USP12: variants seen among roughly 807,000 people sequenced by gnomAD.
USP12 encodes the protein ubiquitin carboxyl-terminal hydrolase 12.
In USP12, 19 loss-of-function variants were observed where a neutral mutation model predicts 45.5. That is an observed-to-expected ratio of 0.42 (90% confidence interval 0.29 to 0.61). The LOEUF (loss-of-function observed/expected upper bound fraction) is 0.61. Ranked by LOEUF, USP12 falls within the 20% of genes least tolerant of loss-of-function variation. USP12 has a pLI of 0.22. For missense variants in USP12, 242 were observed against 447.7 expected (o/e 0.54, Z 4.15); for synonymous variants, 149 against 148.8 (o/e 1.00, Z -0.01).
intron 2 of USP12, among the ~76,000 whole-genome samples, chr13:27,107,580 G>A (rs928063089): frequency 6.6e-6 from 1 of 152,140 alleles, no homozygotes; most frequent in South Asian, 2.1e-4. Context: ...TTGTGTGTAC[G>A]TGTTTTCAAA....
At chr13:27,122,340 T>C (rs1876031566) in intron 1 of USP12, among the ~76,000 whole-genome samples, 1 of 152,224 alleles carries the variant, frequency 6.6e-6, no homozygotes, top group Non-Finnish European at 1.5e-5. Flanking sequence ...GCCACCGCCC[T>C]GTAAGAAGTG....
intron 1 of USP12, among the ~76,000 whole-genome samples, chr13:27,136,734 A>T (rs762308923): frequency 2.6e-4 from 39 of 152,352 alleles, no homozygotes; most frequent in Non-Finnish European, 4.4e-4. Context: ...TATATGCATT[A>T]TATGGTCCAT....
intron 2 of USP12, among the ~76,000 whole-genome samples, chr13:27,110,776 A>G (rs1875401391): frequency 6.6e-6 from 1 of 152,202 alleles, no homozygotes; most frequent in Non-Finnish European, 1.5e-5. Context: ...TTAAAATTGT[A>G]TTTGTACTAC....
intron 7 of USP12, among the ~76,000 whole-genome samples, chr13:27,072,718 T>C (rs1420420509): frequency 6.6e-6 from 1 of 151,974 alleles, no homozygotes; most frequent in East Asian, 1.9e-4. Flanking sequence ...GGATGGGAAA[T>C]CACGAAATGG....
At chr13:27,144,163 C>T (rs1455345325) in intron 1 of USP12, among the ~76,000 whole-genome samples, 1 of 151,946 alleles carries the variant, frequency 6.6e-6, no homozygotes, top group Non-Finnish European at 1.5e-5. Flanking sequence ...TGCACCACTG[C>T]ACTCCAGCCT....
Position 27,123,131 on chromosome 13 carries a change from G to A in USP12, c.49-6535C>T, listed in dbSNP as rs1326367044. 4.6e-5 allele frequency among the ~76,000 whole-genome samples: 7 copies of A among 151,924 alleles called. No individual in the cohort carries two copies. In the South Asian group the frequency reaches 1.5e-3, roughly 32 times the overall value. ...ATATTTTACAGAGAAGATTTCATGGGAGAATGGATTCATTACAGAACTGCT... is the reference window on the plus strand; with the variant it reads ...ATATTTTACAGAGAAGATTTCATGGAAGAATGGATTCATTACAGAACTGCT... On this transcript the variant is annotated intron_variant, in intron 1 of 8. Coordinates refer to ENST00000282344, the MANE Select transcript of USP12 (RefSeq NM_182488.4).
intron 6 of USP12, among the ~76,000 whole-genome samples, chr13:27,081,441 C>A (rs1873753411): frequency 6.6e-6 from 1 of 152,196 alleles, no homozygotes; most frequent in Non-Finnish European, 1.5e-5. Context: ...TCGTCAGGAT[C>A]CTCTTCTAAT....
At chr13:27,071,483 G>A (rs1436833195) in intron 7 of USP12, among the ~76,000 whole-genome samples, 1 of 152,042 alleles carries the variant, frequency 6.6e-6, no homozygotes, top group Admixed American at 6.6e-5. Context: ...TTTTATAAGG[G>A]AGGGGATCAC....
intron 3 of USP12, among the ~76,000 whole-genome samples, chr13:27,102,588 T>C (rs1435905432): frequency 2.0e-5 from 3 of 152,214 alleles, no homozygotes; most frequent in Admixed American, 1.3e-4. Context: ...TGCACTTTCT[T>C]CCTACTGATG....
intron 1 of USP12, among the ~76,000 whole-genome samples, chr13:27,167,269 A>AT (rs1566010384): frequency 6.1e-5 from 9 of 147,266 alleles, no homozygotes; most frequent in East Asian, 2.0e-4. Context: ...TCTCAAAAAA[A>AT]AAATAAAATA....
At chr13:27,143,584 T>C (rs1048265429) in intron 1 of USP12, among the ~76,000 whole-genome samples, 5 of 152,186 alleles carry the variant, frequency 3.3e-5, no homozygotes, top group Non-Finnish European at 7.3e-5. Context: ...TCAGATTACA[T>C]GGTAATCTGC....
rs1224307569 is a variant in USP12 at position 27,066,896 on chromosome 13, C to T, written c.*2387G>A. ...CCTGTATTTTTCCCCCAACCCTGAC[C>T]CTATACGTTTTAAAAGTACATTTAG... On this transcript the variant is annotated 3_prime_UTR_variant, in exon 9 of 9. Coordinates refer to ENST00000282344, the MANE Select transcript of USP12 (RefSeq NM_182488.4). 6.6e-6 allele frequency: 1 copy of T among 152,078 alleles called. No homozygotes were observed. The highest frequency in any genetic ancestry group is 1.5e-5 in the Non-Finnish European group (1 of 68,024). 9.4% of individuals were successfully genotyped at this position (152,078 alleles called of 1,614,324 possible).
At chr13:27,162,023 G>A (rs1186365689) in intron 1 of USP12, among the ~76,000 whole-genome samples, 1 of 152,082 alleles carries the variant, frequency 6.6e-6, no homozygotes, top group African/African-American at 2.4e-5. Context: ...AAATGACTAC[G>A]CTTTGTCAAA....
chr13:27,134,223 T>C (rs574509627), intron 1 of USP12, among the ~76,000 whole-genome samples: 1 of 152,348 alleles, frequency 6.6e-6, no homozygotes, highest in South Asian at 2.1e-4. Flanking sequence ...AGAAGCTCTC[T>C]CTATAGGGTT....
intron 1 of USP12, chr13:27,170,080 AG>A (rs1269647663): frequency 2.7e-5 from 10 of 376,102 alleles, no homozygotes; most frequent in Non-Finnish European, 4.2e-5. Flanking sequence ...AAAAATAATT[AG>A]CCCAAACAAT....
chr13:27,092,364 T>C (rs1020013798), intron 4 of USP12, among the ~76,000 whole-genome samples: 1 of 152,202 alleles, frequency 6.6e-6, no homozygotes, highest in Non-Finnish European at 1.5e-5. Context: ...ATCGACGAAC[T>C]TGATTCTAAA....
At chr13:27,149,863 G>T (rs949618691) in intron 1 of USP12, among the ~76,000 whole-genome samples, 1 of 152,162 alleles carries the variant, frequency 6.6e-6, no homozygotes, top group Non-Finnish European at 1.5e-5. Context: ...TCGCATGCGC[G>T]GTTCATAACA....
chr13:27,071,821 CT>C (rs1311280211), intron 7 of USP12, among the ~76,000 whole-genome samples: 1 of 152,082 alleles, frequency 6.6e-6, no homozygotes, highest in African/African-American at 2.4e-5. Context: ...AGCATAATTC[CT>C]TTTCTTTATA....
At position 27,069,118 on chromosome 13, in the gene USP12, G is replaced by A. The variant is rs1873121989; in HGVS notation, c.*165C>T. 5 of 647,316 alleles carry A rather than the reference G, an allele frequency of 7.7e-6. No individual in the cohort carries two copies. The Admixed American group carries it at 1.1e-4, about 14-fold the overall frequency. 40.1% of individuals were successfully genotyped at this position (647,316 alleles called of 1,614,324 possible). A position where few individuals can be genotyped will look rare whatever the true frequency, so the allele number is the denominator to read the frequency against. ...AGCAAATAAATCAACTACCATGATCGGAAGGGCTTGTCAATCCATCGTCTT... is the reference window on the plus strand; with the variant it reads ...AGCAAATAAATCAACTACCATGATCAGAAGGGCTTGTCAATCCATCGTCTT... On this transcript the variant is annotated 3_prime_UTR_variant, in exon 9 of 9. Transcript: ENST00000282344.
Sources: gnomAD v4.1 joint callset for allele counts (sites outside exome capture counted in the v4.1 genomes callset) on GRCh38, gnomAD v4.1.1 for gene constraint, MANE v1.5 for transcripts, NCBI Gene and HGNC (gene_info 2026-07-23, HGNC 2026-07-21) for gene names.